MPPED1: variants seen among roughly 807,000 people sequenced by gnomAD.
MPPED1 encodes the protein metallophosphoesterase domain-containing protein 1.
MPPED1 carries 16 observed loss-of-function variants against 36.2 expected under a neutral mutation model. The ratio of observed to expected loss-of-function variants is 0.44; its 90% CI spans 0.30 to 0.67. The LOEUF (loss-of-function observed/expected upper bound fraction) is 0.67. Among genes scored for constraint, MPPED1 ranks in the 30% least tolerant of loss-of-function variants. The probability of loss-of-function intolerance (pLI) is 0.10; values close to 1 mark genes in which losing one functional copy is unlikely to be tolerated. For missense variants in MPPED1, 307 were observed against 453.4 expected (o/e 0.68, Z 2.93); for synonymous variants, 199 against 191.3 (o/e 1.04, Z -0.33).
At position 43,435,191 on chromosome 22, in the gene MPPED1, G is replaced by A; in HGVS notation, c.382G>A (p.Val128Met). The A allele has an allele frequency of 6.2e-7, 1 of 1,610,784 alleles. No homozygotes were observed. Among genetic ancestry groups the A allele is most frequent in the Non-Finnish European group, 8.5e-7 (1 of 1,179,848 alleles). ...DFTELGLPSE[V>M]KKFNEWLGSL... is the part of the protein sequence containing the mutation. ...CACTGAGCTGGGGCTCCCGAGCGAGGTGAAGAAGTTCAACGAGTGGCTGGG... is the reference window on the plus strand; with the variant it reads ...CACTGAGCTGGGGCTCCCGAGCGAGATGAAGAAGTTCAACGAGTGGCTGGG... The change falls in exon 3 of 7, where the codon GTG (valine) becomes ATG (methionine). Residue 128 changes from valine to methionine, a missense_variant. By Grantham distance (21) the Val-to-Met change is conservative (BLOSUM62 1). Coordinates refer to ENST00000443721, the MANE Select transcript of MPPED1 (RefSeq NM_001044370.2).
intron 3 of MPPED1, 135 bp downstream of exon 3, chr22:43,435,350 C>G: frequency 1.1e-6 from 1 of 877,240 alleles, no homozygotes; most frequent in East Asian, 2.7e-5. Flanking sequence ...GCCTGGTCAC[C>G]CTCCCTGACC....
chr22:43,442,169 G>C (rs1261672705), intron 3 of MPPED1, among the ~76,000 whole-genome samples: 1 of 151,850 alleles, frequency 6.6e-6, no homozygotes, highest in Non-Finnish European at 1.5e-5. Flanking sequence ...CTTCTACTTG[G>C]GGGTGCGGAA....
chr22:43,481,964 G>A (rs1186865974), intron 4 of MPPED1, among the ~76,000 whole-genome samples: 2 of 152,172 alleles, frequency 1.3e-5, no homozygotes, highest in Non-Finnish European at 2.9e-5. Context: ...TGTTTGTGCT[G>A]CCCCCTCCCA....
rs911382717 is a variant in MPPED1 at position 43,471,444 on chromosome 22, A to G, written c.407-3292A>G. Reference sequence around the variant, plus strand: ...CGTCTAGAGGGGTGGGGTCAGCTGGACCAGCGTCCCCCTCCACAGCCGTGG... The same window carrying G: ...CGTCTAGAGGGGTGGGGTCAGCTGGGCCAGCGTCCCCCTCCACAGCCGTGG... On this transcript the variant is annotated intron_variant, in intron 3 of 6. Coordinates refer to ENST00000443721, the MANE Select transcript of MPPED1 (RefSeq NM_001044370.2). Among the ~76,000 whole-genome samples, 11 of 152,290 alleles carry G rather than the reference A, an allele frequency of 7.2e-5. No homozygotes were observed. In the East Asian group the frequency reaches 2.1e-3, roughly 29 times the overall value.
intron 4 of MPPED1, among the ~76,000 whole-genome samples, chr22:43,485,685 T>G (rs910838719): frequency 5.9e-5 from 9 of 152,228 alleles, no homozygotes; most frequent in Non-Finnish European, 2.9e-5. Context: ...TGCACACTAC[T>G]CCACATGAGA....
chr22:43,500,293 T>TGGTGGTGGTGATGGTGATGGA (rs1569091890), intron 5 of MPPED1, among the ~76,000 whole-genome samples: 4 of 107,636 alleles, frequency 3.7e-5, no homozygotes, highest in Non-Finnish European at 8.2e-5. Flanking sequence ...GTGATGGGGG[T>TGGTGGTGGTGATGGTGATGGA]GGTGGTGGTG....
intron 1 of MPPED1, among the ~76,000 whole-genome samples, chr22:43,413,853 G>A (rs181921738): frequency 1.3e-5 from 2 of 152,186 alleles, no homozygotes; most frequent in African/African-American, 4.8e-5. Flanking sequence ...TCGTGTGTTC[G>A]GAAGTGTTTC....
intron 2 of MPPED1, among the ~76,000 whole-genome samples, chr22:43,428,637 A>G (rs1306686472): frequency 1.3e-5 from 2 of 152,120 alleles, no homozygotes; most frequent in African/African-American, 4.8e-5. Context: ...TAAATCCACA[A>G]TTTATATTTA....
chr22:43,457,558 C>T (rs1013637541), intron 3 of MPPED1, among the ~76,000 whole-genome samples: 2 of 151,954 alleles, frequency 1.3e-5, no homozygotes, highest in East Asian at 1.9e-4. Flanking sequence ...GCTTTTTGTT[C>T]TCTATATATC....
intron 5 of MPPED1, among the ~76,000 whole-genome samples, chr22:43,499,879 A>G (rs1240641184): frequency 5.2e-4 from 3 of 5,722 alleles, no homozygotes; most frequent in Non-Finnish European, 6.9e-4. Context: ...GTGGTGATGG[A>G]GGTGGTGATG....
chr22:43,417,903 G>C (rs921776919), intron 1 of MPPED1: 3 of 387,530 alleles, frequency 7.7e-6, no homozygotes, highest in Non-Finnish European at 1.5e-5. Flanking sequence ...CTAGGATCCT[G>C]GTGAAAGCTT....
intron 3 of MPPED1, among the ~76,000 whole-genome samples, chr22:43,465,154 G>A (rs920274842): frequency 1.4e-4 from 21 of 152,366 alleles, no homozygotes; most frequent in Admixed American, 1.4e-3. Flanking sequence ...AGGTCGCATG[G>A]TGAGATAGTA....
At chr22:43,505,258 G>A (rs1193439215) in intron 6 of MPPED1, among the ~76,000 whole-genome samples, 1 of 152,096 alleles carries the variant, frequency 6.6e-6, no homozygotes, top group Non-Finnish European at 1.5e-5. Flanking sequence ...TTATGTGCCA[G>A]GCACTGGGCC....
chr22:43,472,715 TC>T (rs1203705133), intron 3 of MPPED1, among the ~76,000 whole-genome samples: 1 of 152,212 alleles, frequency 6.6e-6, no homozygotes, highest in African/African-American at 2.4e-5. Context: ...GCCTTGGGGT[TC>T]CCTTTCTTAC....
intron 3 of MPPED1, among the ~76,000 whole-genome samples, chr22:43,465,861 C>G (rs1291227843): frequency 6.6e-6 from 1 of 152,200 alleles, no homozygotes; most frequent in Non-Finnish European, 1.5e-5. Flanking sequence ...GAGATCAGAG[C>G]ACTGCAGGGA....
chr22:43,494,374 C>CT (rs1011008735), intron 4 of MPPED1, among the ~76,000 whole-genome samples: 9 of 152,124 alleles, frequency 5.9e-5, no homozygotes, highest in Admixed American at 5.9e-4. Context: ...GCTGGTGATG[C>CT]TAGTTGCTGG....
Position 43,474,907 on chromosome 22 carries a change from A to G in MPPED1, c.578A>G (p.Tyr193Cys). 6.2e-7 allele frequency: 1 copy of G among 1,613,790 alleles called. No homozygotes were observed. Among genetic ancestry groups the G allele is most frequent in the Non-Finnish European group, 8.5e-7 (1 of 1,179,828 alleles). ...NVQSLLTNCI[Y>C]LQDSEVTVRG... ...CAGTCGCTGCTGACCAACTGCATCTACCTTCAGGACTCGGAGGTCACCGTG... is the reference window on the plus strand; with the variant it reads ...CAGTCGCTGCTGACCAACTGCATCTGCCTTCAGGACTCGGAGGTCACCGTG... The change falls in exon 4 of 7, where the codon TAC becomes TGC. Residue 193 changes from tyrosine (Y) to cysteine (C), a missense_variant. Coordinates refer to ENST00000443721, the MANE Select transcript of MPPED1 (RefSeq NM_001044370.2). The surrounding 1 kb of genome is among the most constrained non-coding windows in gnomAD (Gnocchi z 5.2).
intron 4 of MPPED1, among the ~76,000 whole-genome samples, chr22:43,486,931 G>T (rs531827857): frequency 1.6e-4 from 25 of 152,264 alleles, no homozygotes; most frequent in African/African-American, 5.8e-4. Context: ...GAGAGTTCTC[G>T]TGACTGTTTT....
intron 4 of MPPED1, among the ~76,000 whole-genome samples, chr22:43,480,960 A>G (rs1931730887): frequency 6.6e-6 from 1 of 151,354 alleles, no homozygotes; most frequent in Non-Finnish European, 1.5e-5. Flanking sequence ...AGTAGCTTGG[A>G]TTACAGGTAG....
Sources: gnomAD v4.1 joint callset for allele counts (sites outside exome capture counted in the v4.1 genomes callset) on GRCh38, gnomAD v4.1.1 for gene constraint, Gnocchi (gnomAD v3.1) non-coding constraint, MANE v1.5 for transcripts, NCBI Gene and HGNC (gene_info 2026-07-23, HGNC 2026-07-21) for gene names.